ACER3: variants seen among roughly 807,000 people sequenced by gnomAD.
ACER3 encodes alkaline ceramidase 3, also known as alkCDase 3.
In ACER3, 16 loss-of-function variants were observed where a neutral mutation model predicts 48.9. The ratio of observed to expected loss-of-function variants is 0.33; its 90% CI spans 0.22 to 0.50. The LOEUF (loss-of-function observed/expected upper bound fraction) is 0.50, where lower values mean the gene tolerates loss of function less well. Ranked by LOEUF, ACER3 falls within the 20% of genes least tolerant of loss-of-function variation. The pLI is 0.98. For synonymous variants in ACER3, 109 were observed against 107.8 expected (o/e 1.01, Z -0.07); for missense variants, 227 against 326.0 (o/e 0.70, Z 2.34).
intron 2 of ACER3, among the ~76,000 whole-genome samples, chr11:76,929,784 T>C (rs1267345310): frequency 6.6e-6 from 1 of 152,246 alleles, no homozygotes; most frequent in African/African-American, 2.4e-5. Context: ...TTGATTTGCA[T>C]ATGTTGAACC....
At chr11:76,942,331 T>C (rs1049527961) in intron 2 of ACER3, among the ~76,000 whole-genome samples, 6 of 152,020 alleles carry the variant, frequency 3.9e-5, no homozygotes, top group Non-Finnish European at 8.8e-5. Flanking sequence ...ATTATGTTGA[T>C]ATATGTTCCT....
intron 4 of ACER3, among the ~76,000 whole-genome samples, chr11:76,983,948 C>T (rs1294936699): frequency 3.3e-5 from 5 of 152,130 alleles, no homozygotes; most frequent in Admixed American, 6.5e-5. Context: ...ACACCTGCAA[C>T]GACTAATTTT....
At chr11:76,997,704 T>C (rs1434257618) in intron 6 of ACER3, among the ~76,000 whole-genome samples, 1 of 152,074 alleles carries the variant, frequency 6.6e-6, no homozygotes, top group African/African-American at 2.4e-5. Context: ...AGGATGTGGT[T>C]ACGCACACCT....
Position 76,870,283 on chromosome 11 carries a change from T to C in ACER3, c.103+9204T>C, listed in dbSNP as rs555183221. On this transcript the variant is annotated intron_variant, in intron 1 of 10. Transcript: ENST00000532485. ...CCAAGTAGATGGGACCACAGATGCA[T>C]GCCACCACACCTGTCTATTTTTTTT... Among the ~76,000 whole-genome samples, 9 of 149,646 alleles carry C rather than the reference T, an allele frequency of 6.0e-5. No individual in the cohort carries two copies. In the South Asian group the frequency reaches 1.1e-3, roughly 18 times the overall value.
At chr11:76,864,596 A>ATTTTTTTTTTTTTTTTTTT (rs772026324) in intron 1 of ACER3, among the ~76,000 whole-genome samples, 2 of 99,926 alleles carry the variant, frequency 2.0e-5, no homozygotes, top group Non-Finnish European at 2.0e-5. Flanking sequence ...TGGAATGGGT[A>ATTTTTTTTTTTTTTTTTTT]TTTTTTTTTT....
intron 1 of ACER3, among the ~76,000 whole-genome samples, chr11:76,926,273 C>T (rs1260223074): frequency 6.6e-6 from 1 of 152,138 alleles, no homozygotes; most frequent in Non-Finnish European, 1.5e-5. Context: ...TGAGGTTCTT[C>T]CGGAGATCTT....
intron 2 of ACER3, among the ~76,000 whole-genome samples, chr11:76,938,143 A>C (rs1285661725): frequency 6.6e-6 from 1 of 151,988 alleles, no homozygotes; most frequent in Non-Finnish European, 1.5e-5. Context: ...TCTTCCTAGT[A>C]GTTGGGACTT....
Position 77,024,272 on chromosome 11 carries a change from C to CAAAAAAAAGAAAAAAA in ACER3, c.*3953_*3954insGAAAAAAAAAAAAAAA, listed in dbSNP as rs1949517645. The CAAAAAAAAGAAAAAAA allele has an allele frequency of 1.9e-5, 1 of 53,902 alleles. No homozygotes were observed. 3.3% of individuals were successfully genotyped at this position (53,902 alleles called of 1,614,324 possible). A position where few individuals can be genotyped will look rare whatever the true frequency, so the allele number is the denominator to read the frequency against. On this transcript the variant is annotated 3_prime_UTR_variant, in exon 11 of 11. Transcript: ENST00000532485. ...TGGGCAACAGAGTGAGACCCTGTCT[C>CAAAAAAAAGAAAAAAA]AAAAAAAAAAAAAAAAAAAAAAAAA...
intron 4 of ACER3, among the ~76,000 whole-genome samples, chr11:76,984,240 G>C (rs919038367): frequency 1.3e-5 from 2 of 152,124 alleles, no homozygotes; most frequent in Non-Finnish European, 2.9e-5. Flanking sequence ...ATAAGAAAGT[G>C]ACTATATGTA....
At chr11:76,875,929 G>A (rs1266889233) in intron 1 of ACER3, among the ~76,000 whole-genome samples, 2 of 151,328 alleles carry the variant, frequency 1.3e-5, no homozygotes, top group African/African-American at 2.4e-5. Context: ...AGAGACAGGG[G>A]ATTACAGGCA....
At chr11:76,969,787 G>A (rs1201957055) in intron 3 of ACER3, among the ~76,000 whole-genome samples, 1 of 128,128 alleles carries the variant, frequency 7.8e-6, no homozygotes, top group Non-Finnish European at 1.6e-5. Flanking sequence ...AGACACTGGG[G>A]CCTGTTGTGG....
rs12294752 is a variant in ACER3 at position 76,877,135 on chromosome 11, C to G, written c.103+16056C>G. On this transcript the variant is annotated intron_variant, in intron 1 of 10. Transcript: ENST00000532485. ...TTTATAAGCATCATTTTATTTATAC[C>G]TGCAATGTACTCAAGACTCCAAAGA... Among the ~76,000 whole-genome samples, 227 of 152,096 alleles carry G rather than the reference C, an allele frequency of 1.5e-3. 2 individuals carry two copies. The highest frequency in any genetic ancestry group is 5.2e-3 in the African/African-American group (216 of 41,488).
At chr11:76,872,911 C>CTTTTTTTTTTTTTTTTTTTTTTTTT (rs59654087) in intron 1 of ACER3, among the ~76,000 whole-genome samples, 2 of 68,706 alleles carry the variant, frequency 2.9e-5, no homozygotes, top group African/African-American at 3.8e-5. Context: ...TTTTCTTTTT[C>CTTTTTTTTTTTTTTTTTTTTTTTTT]TTTTTTTTTT....
chr11:76,918,988 A>AT (rs755131462), intron 1 of ACER3, among the ~76,000 whole-genome samples: 86,215 of 151,544 alleles, frequency 0.57, 27,663 homozygotes, highest in Non-Finnish European at 0.73. Flanking sequence ...ATGAACTTGC[A>AT]TTGGGGAAAA....
At chr11:76,879,820 C>T (rs886084054) in intron 1 of ACER3, among the ~76,000 whole-genome samples, 1 of 152,030 alleles carries the variant, frequency 6.6e-6, no homozygotes, top group Non-Finnish European at 1.5e-5. Context: ...GTATTTTTGG[C>T]AGGATTGATT....
At chr11:76,933,589 AG>A (rs1254956426) in intron 2 of ACER3, among the ~76,000 whole-genome samples, 9 of 152,018 alleles carry the variant, frequency 5.9e-5, no homozygotes, top group African/African-American at 2.2e-4. Context: ...CAGAGAGCAC[AG>A]GGTTGGGGGT....
At chr11:76,948,229 G>A (rs1033806640) in intron 2 of ACER3, among the ~76,000 whole-genome samples, 61 of 149,592 alleles carry the variant, frequency 4.1e-4, no homozygotes, top group African/African-American at 9.1e-4. Flanking sequence ...GTGTGTGTGT[G>A]TGTGTGTGTG....
intron 1 of ACER3, among the ~76,000 whole-genome samples, chr11:76,882,001 A>G (rs1338383893): frequency 7.4e-6 from 1 of 135,520 alleles, no homozygotes; most frequent in African/African-American, 2.6e-5. Flanking sequence ...TTTGTAAAAA[A>G]TCTTTTTTTT....
At chr11:76,878,328 G>A (rs73507826) in intron 1 of ACER3, among the ~76,000 whole-genome samples, 16,504 of 151,846 alleles carry the variant, frequency 0.11, 2,960 homozygotes, top group African/African-American at 0.37. Flanking sequence ...AGAAATTCTC[G>A]AATTTTTTGG....
Sources: allele counts gnomAD v4.1 joint callset (sites outside exome capture counted in the v4.1 genomes callset), GRCh38; gene constraint gnomAD v4.1.1; transcripts MANE v1.5; gene names NCBI Gene and HGNC (gene_info 2026-07-23, HGNC 2026-07-21).